Variants in SFMBT1 observed in about 807,000 individuals in gnomAD.
The protein encoded by SFMBT1 is scm-like with four MBT domains protein 1.
A neutral mutation model predicts 108.7 loss-of-function variants in SFMBT1; 32 were observed. The ratio of observed to expected loss-of-function variants is 0.29; its 90% CI spans 0.22 to 0.40. The LOEUF (loss-of-function observed/expected upper bound fraction) is 0.40. Among genes scored for constraint, SFMBT1 ranks in the 10% least tolerant of loss-of-function variants. SFMBT1 has a pLI of 1.00. For synonymous variants in SFMBT1, 348 were observed against 369.5 expected, an observed-to-expected ratio of 0.94 and a Z score of 0.67; for missense variants, 816 against 1,059.6, an observed-to-expected ratio of 0.77 and a Z score of 3.19.
At chr3:53,004,500 T>C (rs1253217654) in intron 1 of SFMBT1, among the ~76,000 whole-genome samples, 1 of 149,928 alleles carries the variant, frequency 6.7e-6, no homozygotes, top group African/African-American at 2.4e-5. Context: ...CTTGATTCTC[T>C]TGACCTTGTG....
At chr3:53,021,316 T>C (rs1162347214) in intron 1 of SFMBT1, among the ~76,000 whole-genome samples, 1 of 152,176 alleles carries the variant, frequency 6.6e-6, no homozygotes, top group Non-Finnish European at 1.5e-5. Flanking sequence ...GTGGAAAAGG[T>C]AATATGAAAC....
intron 2 of SFMBT1, among the ~76,000 whole-genome samples, chr3:52,958,523 G>A (rs1246476185): frequency 4.6e-5 from 7 of 152,146 alleles, no homozygotes; most frequent in African/African-American, 1.4e-4. Flanking sequence ...CCTGGGAGGC[G>A]GAGGTGGCAG....
intron 1 of SFMBT1, among the ~76,000 whole-genome samples, chr3:53,044,154 G>C (rs1356617422): frequency 6.6e-6 from 1 of 151,782 alleles, no homozygotes; most frequent in East Asian, 1.9e-4. Flanking sequence ...TCTGGATCTA[G>C]CTACCAAGAT....
chr3:52,913,390 C>T lies in SFMBT1; in HGVS notation c.1620+88G>A, dbSNP rs1379628738. ...CTTTTGATAAAACCTAGAACTGTCA[C>T]ATCTATGGCATGTGGCTCCCTGTAG... On this transcript the variant is annotated intron_variant, in intron 15 of 20. Coordinates refer to ENST00000394752, the MANE Select transcript of SFMBT1 (RefSeq NM_016329.4). The T allele has an allele frequency of 6.0e-6, 9 of 1,488,174 alleles. No individual in the cohort carries two copies. The East Asian group carries it at 9.1e-5, about 15-fold the overall frequency. 92.2% of individuals were successfully genotyped at this position (1,488,174 alleles called of 1,614,324 possible).
At chr3:52,927,914 T>C (rs1269511327) in intron 9 of SFMBT1, among the ~76,000 whole-genome samples, 2 of 152,142 alleles carry the variant, frequency 1.3e-5, no homozygotes, top group Admixed American at 6.5e-5. Context: ...CGAACCCAGG[T>C]TGGAACCTGG....
intron 4 of SFMBT1, among the ~76,000 whole-genome samples, chr3:52,938,137 T>G (rs1397914085): frequency 1.3e-5 from 2 of 152,226 alleles, no homozygotes; most frequent in Non-Finnish European, 2.9e-5. Flanking sequence ...CAGTTGCCTG[T>G]ACATCTTTGT....
chr3:53,006,628 CAA>C (rs145854514), intron 1 of SFMBT1, among the ~76,000 whole-genome samples: 3 of 126,304 alleles, frequency 2.4e-5, no homozygotes, highest in African/African-American at 3.4e-5. Flanking sequence ...AACTCCGTCT[CAA>C]AAAAAAAAAA....
chr3:53,016,213 A>G (rs1189734411), intron 1 of SFMBT1, among the ~76,000 whole-genome samples: 2 of 152,084 alleles, frequency 1.3e-5, no homozygotes, highest in Admixed American at 6.5e-5. Context: ...CCAAAGCAGG[A>G]GGAATTTGCT....
intron 2 of SFMBT1, among the ~76,000 whole-genome samples, chr3:52,960,113 T>C (rs1471736236): frequency 6.6e-6 from 1 of 151,876 alleles, no homozygotes; most frequent in East Asian, 1.9e-4. Flanking sequence ...AATGCTAGCG[T>C]TGACACAGAT....
intron 1 of SFMBT1, among the ~76,000 whole-genome samples, chr3:52,984,021 A>G (rs1260785884): frequency 6.6e-6 from 1 of 152,246 alleles, no homozygotes; most frequent in African/African-American, 2.4e-5. Flanking sequence ...TAGGTCTAGG[A>G]CAGGAGAAGT....
intron 4 of SFMBT1, among the ~76,000 whole-genome samples, chr3:52,935,805 T>G (rs1702987809): frequency 6.6e-6 from 1 of 151,978 alleles, no homozygotes; most frequent in South Asian, 2.1e-4. Context: ...CTCCTTGATT[T>G]CTTTTCATCA....
chr3:52,962,059 T>C (rs1238431689), intron 2 of SFMBT1, among the ~76,000 whole-genome samples: 3 of 152,132 alleles, frequency 2.0e-5, no homozygotes, highest in Admixed American at 6.5e-5. Context: ...TTAAGAGAAA[T>C]GCAAATTAAA....
At chr3:53,023,462 C>T (rs1470336996) in intron 1 of SFMBT1, among the ~76,000 whole-genome samples, 2 of 152,214 alleles carry the variant, frequency 1.3e-5, no homozygotes, top group Non-Finnish European at 2.9e-5. Flanking sequence ...GGTGGCACAA[C>T]CCAAACTACT....
chr3:53,040,816 T>C (rs1431656100), intron 1 of SFMBT1, among the ~76,000 whole-genome samples: 1 of 151,362 alleles, frequency 6.6e-6, no homozygotes, highest in African/African-American at 2.4e-5. Context: ...TTTTTGTTTT[T>C]ATTTATTTTT....
chr3:52,928,273 G>T lies in SFMBT1; in HGVS notation c.966C>A (p.Ser322=). ...DLRPENHARR[S]FVCHADSPGI... is the part of the protein sequence containing the mutation. The stretch of plus-strand genomic sequence containing the variant: ...CAGGACTGTCGGCGTGGCACACAAA[G>T]GATCGCCGTGCGTGGTTCTCAGGAC... The change falls in exon 9 of 21, where the codon TCC becomes TCA. Residue 322 remains serine, a synonymous_variant. Transcript: ENST00000394752. 2 of 1,614,088 alleles carry T rather than the reference G, an allele frequency of 1.2e-6. No individual in the cohort carries two copies. Among genetic ancestry groups the T allele is most frequent in the Non-Finnish European group, 1.7e-6 (2 of 1,180,010 alleles).
chr3:52,938,327 A>C (rs995389234), intron 4 of SFMBT1, among the ~76,000 whole-genome samples: 3 of 152,046 alleles, frequency 2.0e-5, no homozygotes, highest in African/African-American at 7.3e-5. Context: ...ATATTGTTAA[A>C]TGTTATATAC....
At chr3:52,941,827 A>T (rs571498511) in intron 4 of SFMBT1, among the ~76,000 whole-genome samples, 33 of 152,102 alleles carry the variant, frequency 2.2e-4, no homozygotes, top group Non-Finnish European at 4.0e-4. Context: ...TGAACCTGGG[A>T]GTTCAAGGAC....
At chr3:52,997,763 T>C (rs986343660) in intron 1 of SFMBT1, among the ~76,000 whole-genome samples, 1 of 150,212 alleles carries the variant, frequency 6.7e-6, no homozygotes, top group African/African-American at 2.4e-5. Flanking sequence ...AATGACCACA[T>C]TTTGGGGGTA....
chr3:52,921,657 C>G lies in SFMBT1; in HGVS notation c.1258+48G>C. On this transcript the variant is annotated intron_variant, in intron 11 of 20. Coordinates refer to ENST00000394752, the MANE Select transcript of SFMBT1 (RefSeq NM_016329.4). ...CAACATTACAGGAGTAAACAGGAAG[C>G]TCAAAGGAGAGTGGCCACAGGAAGG... 6 of 1,599,062 alleles carry G rather than the reference C, an allele frequency of 3.8e-6. 1 individual carries two copies. In the East Asian group the frequency reaches 8.9e-5, roughly 24 times the overall value.
Sources: gnomAD v4.1 joint callset for allele counts (sites outside exome capture counted in the v4.1 genomes callset) on GRCh38, gnomAD v4.1.1 for gene constraint, MANE v1.5 for transcripts, NCBI Gene and HGNC (gene_info 2026-07-23, HGNC 2026-07-21) for gene names.